SH3D19: variants seen among roughly 807,000 people sequenced by gnomAD.
The protein encoded by SH3D19 is SH3 domain-containing protein 19.
SH3D19 carries 58 observed loss-of-function variants against 112.1 expected under a neutral mutation model. The observed-to-expected ratio is 0.52, with a 90% CI of 0.42 to 0.64. SH3D19 has a LOEUF of 0.64. Among genes scored for constraint, SH3D19 ranks in the 30% least tolerant of loss-of-function variants. SH3D19 has a pLI of 0.00. For synonymous variants in SH3D19, 391 were observed against 448.5 expected (o/e 0.87, Z 1.62); for missense variants, 1,090 against 1,263.4 (o/e 0.86, Z 2.08).
At position 151,159,332 on chromosome 4, in the gene SH3D19, T is replaced by G; in HGVS notation, c.1663A>C (p.Ser555Arg). The G allele has an allele frequency of 6.3e-7, 1 of 1,582,354 alleles. No homozygotes were observed. Among genetic ancestry groups the G allele is most frequent in the Non-Finnish European group, 8.6e-7 (1 of 1,168,130 alleles). The change falls in exon 9 of 20, where the codon AGT becomes CGT. Residue 555 changes from serine to arginine, a missense_variant. Coordinates refer to ENST00000604030, the MANE Select transcript of SH3D19 (RefSeq NM_001378122.1). ...PGKCLHEDPQ[S>R]PPPLPAEKPI... ...TTTTCAGCAGGGAGAGGAGGTGGAC[T>G]TTGTGGATCCTCATGTAAACCTGGA...
chr4:151,230,633 C>G (rs1166888968), intron 1 of SH3D19, among the ~76,000 whole-genome samples: 1 of 149,668 alleles, frequency 6.7e-6, no homozygotes, highest in East Asian at 2.0e-4. Context: ...CAGAGTCTCA[C>G]TCTGTCACCC....
chr4:151,307,446 C>T (rs996655663), intron 1 of SH3D19, among the ~76,000 whole-genome samples: 10 of 152,222 alleles, frequency 6.6e-5, no homozygotes, highest in African/African-American at 2.4e-4. Flanking sequence ...CCCAAGGTGG[C>T]GCAGCCCTCG....
At chr4:151,279,477 G>A (rs1773976426) in intron 1 of SH3D19, among the ~76,000 whole-genome samples, 1 of 152,152 alleles carries the variant, frequency 6.6e-6, no homozygotes, top group South Asian at 2.1e-4. Context: ...ACACCAATCT[G>A]GAAAATTTAA....
intron 1 of SH3D19, among the ~76,000 whole-genome samples, chr4:151,230,588 A>C (rs1024730318): frequency 8.6e-5 from 13 of 151,680 alleles, no homozygotes; most frequent in African/African-American, 3.2e-4. Context: ...GAAGTGGTTT[A>C]AAGTGAGTCT....
chr4:151,202,004 C>G (rs1764462621), intron 2 of SH3D19, among the ~76,000 whole-genome samples: 1 of 145,454 alleles, frequency 6.9e-6, no homozygotes, highest in Non-Finnish European at 1.5e-5. Flanking sequence ...AAGAGCAAAA[C>G]TCCATCTCAA....
At chr4:151,228,892 T>C (rs1278316134) in intron 1 of SH3D19, among the ~76,000 whole-genome samples, 1 of 151,934 alleles carries the variant, frequency 6.6e-6, no homozygotes. Context: ...TTTCGCTCTG[T>C]ACTCCAGGCT....
intron 1 of SH3D19, among the ~76,000 whole-genome samples, chr4:151,272,085 T>C (rs535125757): frequency 1.3e-5 from 2 of 152,280 alleles, no homozygotes; most frequent in East Asian, 1.9e-4. Flanking sequence ...CACTTCCTTA[T>C]AAGAGCCAGT....
At chr4:151,145,129 A>G (rs1753702007) in intron 11 of SH3D19, among the ~76,000 whole-genome samples, 1 of 152,198 alleles carries the variant, frequency 6.6e-6, no homozygotes. Flanking sequence ...TAGCAATTTA[A>G]TGGTACTGTA....
intron 1 of SH3D19, among the ~76,000 whole-genome samples, chr4:151,275,558 G>A (rs970688541): frequency 3.9e-5 from 6 of 152,116 alleles, no homozygotes; most frequent in East Asian, 1.9e-4. Flanking sequence ...GGTTCTTTCC[G>A]TCGCCCAAGC....
At chr4:151,288,876 T>C (rs1775070009) in intron 1 of SH3D19, among the ~76,000 whole-genome samples, 1 of 152,068 alleles carries the variant, frequency 6.6e-6, no homozygotes, top group South Asian at 2.1e-4. Flanking sequence ...ACCCAGCTGG[T>C]TTCTTTGCAG....
intron 1 of SH3D19, among the ~76,000 whole-genome samples, chr4:151,321,985 G>C (rs972042860): frequency 6.6e-6 from 1 of 152,148 alleles, no homozygotes; most frequent in Non-Finnish European, 1.5e-5. Flanking sequence ...TGTCAGGTCA[G>C]GCAATTAAGG....
chr4:151,297,694 T>C (rs1364018500), intron 1 of SH3D19, among the ~76,000 whole-genome samples: 1 of 152,180 alleles, frequency 6.6e-6, no homozygotes, highest in African/African-American at 2.4e-5. Context: ...AGAGGAGGAA[T>C]AGATTTGCCA....
chr4:151,269,741 T>C (rs1337417366), intron 1 of SH3D19, among the ~76,000 whole-genome samples: 1 of 152,154 alleles, frequency 6.6e-6, no homozygotes, highest in East Asian at 1.9e-4. Context: ...ACACATTGTA[T>C]AGTTGTACAA....
intron 1 of SH3D19, among the ~76,000 whole-genome samples, chr4:151,314,750 G>A (rs1157025933): frequency 1.3e-5 from 2 of 152,152 alleles, no homozygotes; most frequent in Admixed American, 6.6e-5. Context: ...AAACCCATGT[G>A]GTGACTCTAT....
At chr4:151,149,747 T>C (rs996566788) in intron 9 of SH3D19, among the ~76,000 whole-genome samples, 186 bp from the exon 10 acceptor site, 7 of 152,302 alleles carry the variant, frequency 4.6e-5, no homozygotes, top group African/African-American at 1.7e-4. Context: ...ATTCATGTCC[T>C]AATAACAAGT....
intron 1 of SH3D19, among the ~76,000 whole-genome samples, chr4:151,317,286 C>G (rs1447045184): frequency 6.6e-6 from 1 of 152,188 alleles, no homozygotes; most frequent in African/African-American, 2.4e-5. Flanking sequence ...CTCCTAATAT[C>G]ATAAAATGTA....
rs116730020 is a variant in SH3D19 at position 151,149,446 on chromosome 4, G to C, written c.1817+54C>G. On this transcript the variant is annotated intron_variant, in intron 10 of 19. Transcript: ENST00000604030. ...AACACTCAATCTTGGTGATAAAAAA[G>C]AGTTGGGTCTCTGAGTCATTAATTT... is the stretch of plus-strand genomic sequence containing the variant. 510 of 1,400,294 alleles carry C rather than the reference G, an allele frequency of 3.6e-4. 3 individuals are homozygous for C. In the African/African-American group the frequency reaches 6.5e-3, roughly 18 times the overall value. 86.7% of individuals were successfully genotyped at this position (1,400,294 alleles called of 1,614,324 possible).
At chr4:151,184,648 C>T (rs1761463901) in intron 3 of SH3D19, among the ~76,000 whole-genome samples, 2 of 152,218 alleles carry the variant, frequency 1.3e-5, no homozygotes, top group Middle Eastern at 3.4e-3. Flanking sequence ...CAGTCTGATC[C>T]CTCCACTGAT....
chr4:151,287,551 T>C (rs1774927771), intron 1 of SH3D19, among the ~76,000 whole-genome samples: 1 of 151,924 alleles, frequency 6.6e-6, no homozygotes, highest in African/African-American at 2.4e-5. Flanking sequence ...CAACAGGAAG[T>C]CAAGTTGGCT....
Sources: allele counts gnomAD v4.1 joint callset (sites outside exome capture counted in the v4.1 genomes callset), GRCh38; gene constraint gnomAD v4.1.1; transcripts MANE v1.5; gene names NCBI Gene and HGNC (gene_info 2026-07-23, HGNC 2026-07-21).